Variants in PPP2R2C observed in about 807,000 individuals in gnomAD.
The protein encoded by PPP2R2C is protein phosphatase 2 regulatory subunit Bgamma, also known as protein phosphatase 2, regulatory subunit B, gamma.
PPP2R2C carries 10 observed loss-of-function variants against 45.3 expected under a neutral mutation model. The ratio of observed to expected loss-of-function variants is 0.22; its 90% CI spans 0.14 to 0.37. The LOEUF (loss-of-function observed/expected upper bound fraction) is 0.37, where lower values mean the gene tolerates loss of function less well. PPP2R2C is among the 10% of genes least tolerant of loss of function. PPP2R2C has a pLI of 1.00. For missense variants in PPP2R2C, 308 were observed against 619.7 expected (o/e 0.50, Z 5.34); for synonymous variants, 257 against 245.4 (o/e 1.05, Z -0.44).
intron 5 of PPP2R2C, among the ~76,000 whole-genome samples, chr4:6,354,565 C>T (rs2109246409): frequency 6.6e-6 from 1 of 152,188 alleles, no homozygotes; most frequent in Non-Finnish European, 1.5e-5. Flanking sequence ...GATCCGTGGG[C>T]AAATATTAGA....
At chr4:6,440,625 C>T (rs1320473672) in intron 1 of PPP2R2C, among the ~76,000 whole-genome samples, 1 of 152,226 alleles carries the variant, frequency 6.6e-6, no homozygotes, top group Admixed American at 6.5e-5. Context: ...CCCTGGCAGC[C>T]TTGGTGCTGT....
chr4:6,425,599 C>T (rs1719240153), intron 1 of PPP2R2C, among the ~76,000 whole-genome samples: 1 of 152,208 alleles, frequency 6.6e-6, no homozygotes, highest in South Asian at 2.1e-4. Flanking sequence ...TATGACCACA[C>T]TTGAAACCCA....
At position 6,548,466 on chromosome 4, in the gene PPP2R2C, C is replaced by G. The variant is rs150638193; in HGVS notation, c.-58-13089G>C. Among the ~76,000 whole-genome samples the G allele has an allele frequency of 2.6e-5, 4 of 152,330 alleles. 1 individual carries two copies. The highest frequency in any genetic ancestry group is 6.5e-5 in the Admixed American group (1 of 15,308). On this transcript the variant is annotated intron_variant, in intron 1 of 9. Coordinates refer to the PPP2R2C transcript ENST00000506140. ...CGCCTGGAACCCTTGTGCGTGACAT[C>G]TGTGGATGCAAAGACAGCACAGCGA...
chr4:6,377,701 C>T (rs1715444454), intron 3 of PPP2R2C, among the ~76,000 whole-genome samples: 1 of 152,124 alleles, frequency 6.6e-6, no homozygotes, highest in Non-Finnish European at 1.5e-5. Context: ...TCCTACCCGA[C>T]CCCAGGCTGC....
chr4:6,466,846 G>C (rs908954735), intron 1 of PPP2R2C, among the ~76,000 whole-genome samples: 1 of 152,180 alleles, frequency 6.6e-6, no homozygotes, highest in South Asian at 2.1e-4. Context: ...CGTGCTCTGT[G>C]ACTGCGCCAA....
chr4:6,549,166 A>G (rs908340424), intron 1 of PPP2R2C, among the ~76,000 whole-genome samples: 1 of 152,144 alleles, frequency 6.6e-6, no homozygotes, highest in Non-Finnish European at 1.5e-5. Flanking sequence ...CTCCAAAGTC[A>G]TCCCCTGGTT....
At chr4:6,393,094 C>T (rs1167721352) in intron 1 of PPP2R2C, among the ~76,000 whole-genome samples, 3 of 152,194 alleles carry the variant, frequency 2.0e-5, no homozygotes, top group Non-Finnish European at 4.4e-5. Flanking sequence ...TTTAAATGTA[C>T]ACTTGATTGG....
intron 8 of PPP2R2C, 115 bp from the exon 9 acceptor site, chr4:6,323,708 G>T: frequency 9.0e-7 from 1 of 1,115,634 alleles, no homozygotes; most frequent in Non-Finnish European, 1.2e-6. Flanking sequence ...GGCCCCGGTG[G>T]GAGGATTGCT....
intron 5 of PPP2R2C, among the ~76,000 whole-genome samples, chr4:6,360,789 TAA>T (rs1227176219): frequency 6.6e-6 from 1 of 152,214 alleles, no homozygotes; most frequent in Non-Finnish European, 1.5e-5. Context: ...CCGAGTGGCT[TAA>T]ACAGTATGTG....
intron 6 of PPP2R2C, among the ~76,000 whole-genome samples, chr4:6,337,533 C>T (rs1030628384): frequency 9.2e-5 from 14 of 152,088 alleles, no homozygotes; most frequent in Non-Finnish European, 1.5e-4. Context: ...GGCTGACTTC[C>T]GGAGTGGCCT....
Position 6,563,294 on chromosome 4 carries a change from G to T in PPP2R2C, c.-59+266C>A, listed in dbSNP as rs1460833691. 1.3e-5 allele frequency among the ~76,000 whole-genome samples: 2 copies of T among 152,304 alleles called. No individual in the cohort carries two copies. Among genetic ancestry groups the T allele is most frequent in the Admixed American group, 6.5e-5 (1 of 15,308 alleles). Reference sequence around the variant, plus strand: ...TTCTGTCGGGTTCCCTCAAGACCCCGAGAGCACGCGCTCCGGAGGGACCCC... The same window carrying T: ...TTCTGTCGGGTTCCCTCAAGACCCCTAGAGCACGCGCTCCGGAGGGACCCC... On this transcript the variant is annotated intron_variant, in intron 1 of 9. Coordinates refer to the PPP2R2C transcript ENST00000506140. The surrounding 1 kb of genome is among the most constrained non-coding windows in gnomAD (Gnocchi z 5.8).
In PPP2R2C at chr4:6,372,503, C is replaced by CA. The variant is rs35520578; in HGVS notation, c.625+19dup. On this transcript the variant is annotated intron_variant, in intron 5 of 8. Transcript: ENST00000382599. ...TACTCTGCCCGTGGGAGGCACTGGC[C>CA]AGGCCACAGTGAAGGATACTGAAGC... 0.73 allele frequency: 1,175,299 copies of CA among 1,610,182 alleles called. 438,868 individuals carry two copies. Among genetic ancestry groups the CA allele is most frequent in the East Asian group, 0.99 (44,495 of 44,760 alleles).
At chr4:6,524,388 TAGA>T (rs1165486051) in intron 2 of PPP2R2C, among the ~76,000 whole-genome samples, 1 of 152,170 alleles carries the variant, frequency 6.6e-6, no homozygotes, top group East Asian at 1.9e-4. Flanking sequence ...TGCCAGGGAC[TAGA>T]AGGAGGAGGA....
intron 2 of PPP2R2C, among the ~76,000 whole-genome samples, chr4:6,522,127 C>T (rs1266868344): frequency 6.6e-6 from 1 of 152,208 alleles, no homozygotes; most frequent in Non-Finnish European, 1.5e-5. Context: ...TCACAGCTCC[C>T]TCCCACCCAC....
chr4:6,524,505 G>C (rs566054400), intron 2 of PPP2R2C, among the ~76,000 whole-genome samples: 1 of 152,268 alleles, frequency 6.6e-6, no homozygotes, highest in Admixed American at 6.5e-5. Context: ...CAGGGTCTAG[G>C]AATCCACGTC....
In PPP2R2C at chr4:6,563,159, G is replaced by C. The variant is rs533348173; in HGVS notation, c.-59+401C>G. ...CCGCACCTTCAGCCGGGCAGCGAGGGGGGGCTCGAGCGCGCCGGTTCTCGG... is the reference window on the plus strand; with the variant it reads ...CCGCACCTTCAGCCGGGCAGCGAGGCGGGGCTCGAGCGCGCCGGTTCTCGG... On this transcript the variant is annotated intron_variant, in intron 1 of 9. Transcript: ENST00000506140. This position sits in a 1 kb window ranked among gnomAD's most constrained non-coding sequence, Gnocchi z 5.8. Among the ~76,000 whole-genome samples, 407 of 152,296 alleles carry C rather than the reference G, an allele frequency of 2.7e-3. No homozygotes were observed. The highest frequency in any genetic ancestry group is 4.6e-3 in the Admixed American group (70 of 15,308).
chr4:6,411,075 T>C (rs1718160500), intron 1 of PPP2R2C, among the ~76,000 whole-genome samples: 1 of 151,988 alleles, frequency 6.6e-6, no homozygotes, highest in Non-Finnish European at 1.5e-5. Flanking sequence ...TTCACCATGT[T>C]GCCCAGGCTG....
intron 1 of PPP2R2C, among the ~76,000 whole-genome samples, chr4:6,417,271 A>G (rs1369015957): frequency 6.6e-6 from 1 of 152,236 alleles, no homozygotes; most frequent in Non-Finnish European, 1.5e-5. Context: ...TTCTGAGAAT[A>G]TAAGTGTAGC....
chr4:6,406,301 T>C (rs774555241), intron 1 of PPP2R2C, among the ~76,000 whole-genome samples: 11 of 152,226 alleles, frequency 7.2e-5, no homozygotes, highest in Non-Finnish European at 1.5e-4. Context: ...GAAGTTGGTC[T>C]TTCTTAACCC....
Sources: allele counts gnomAD v4.1 joint callset (sites outside exome capture counted in the v4.1 genomes callset), GRCh38; gene constraint gnomAD v4.1.1; non-coding constraint Gnocchi (gnomAD v3.1); transcripts MANE v1.5; gene names NCBI Gene and HGNC (gene_info 2026-07-23, HGNC 2026-07-21).